Variants in FAT4 observed in about 807,000 individuals in gnomAD.
FAT4 encodes the protein protocadherin Fat 4.
A neutral mutation model predicts 303.9 loss-of-function variants in FAT4; 84 were observed. That is an observed-to-expected ratio of 0.28 (90% CI 0.23 to 0.33). FAT4 has a LOEUF of 0.33. FAT4 is among the 10% of genes least tolerant of loss of function. The probability of loss-of-function intolerance (pLI) is 1.00; values close to 1 mark genes in which losing one functional copy is unlikely to be tolerated. For missense variants in FAT4, 6,005 were observed against 6,146.8 expected (o/e 0.98, Z 0.77); for synonymous variants, 2,307 against 2,298.8 (o/e 1.00, Z -0.10).
intron 2 of FAT4, among the ~76,000 whole-genome samples, chr4:125,381,816 A>G (rs79145530): frequency 0.028 from 4,335 of 152,284 alleles, 88 homozygotes; most frequent in Non-Finnish European, 0.04. Context: ...ACTGGAGTCA[A>G]TCCTCTCAAA....
At chr4:125,440,020 C>A (rs978389110) in intron 8 of FAT4, among the ~76,000 whole-genome samples, 6 of 152,158 alleles carry the variant, frequency 3.9e-5, no homozygotes, top group African/African-American at 1.4e-4. Flanking sequence ...ATGTCTCTGG[C>A]ATAATTATTA....
rs1725377539 is a variant in FAT4 at position 125,434,341 on chromosome 4, C to T, written c.7115C>T (p.Thr2372Ile). The stretch of plus-strand genomic sequence containing the variant: ...TTTGCCAGTAAAGCGTATTTCACAA[C>T]AATTCCTGAGGATGCACCAACTGGA... ...PTFASKAYFT[T>I]IPEDAPTGTD... Residue 2372 changes from threonine to isoleucine, a missense_variant, in exon 8 of 18, where the codon ACA becomes ATA. Physicochemically the swap from Thr to Ile is moderately conservative, Grantham distance 89. Coordinates refer to ENST00000394329, the MANE Select transcript of FAT4 (RefSeq NM_001291303.3). 1.9e-6 allele frequency: 3 copies of T among 1,613,914 alleles called. No homozygotes were observed. Among genetic ancestry groups the T allele is most frequent in the Admixed American group, 1.7e-5 (1 of 60,000 alleles).
intron 2 of FAT4, among the ~76,000 whole-genome samples, chr4:125,350,084 A>T (rs11098807): frequency 0.3 from 44,951 of 151,530 alleles, 6,862 homozygotes; most frequent in Non-Finnish European, 0.34. Context: ...TCACATAATG[A>T]ATGAATAATT....
At chr4:125,390,284 T>C (rs368236498) in intron 2 of FAT4, among the ~76,000 whole-genome samples, 1 of 152,210 alleles carries the variant, frequency 6.6e-6, no homozygotes, top group African/African-American at 2.4e-5. Context: ...ATCACCCTGA[T>C]GCGGTCATAC....
At chr4:125,434,562 C>A in intron 8 of FAT4, 137 bp downstream of exon 8, 1 of 631,788 alleles carries the variant, frequency 1.6e-6, no homozygotes, top group Non-Finnish European at 2.6e-6. Context: ...TGCTGATAGC[C>A]AACAATTCAT....
chr4:125,456,683 T>A (rs889807156), intron 10 of FAT4, among the ~76,000 whole-genome samples: 10 of 152,190 alleles, frequency 6.6e-5, no homozygotes, highest in African/African-American at 2.2e-4. Context: ...CTCTGAAGGA[T>A]CATTCTGAGT....
At position 125,320,504 on chromosome 4, in the gene FAT4, A is replaced by T; in HGVS notation, c.4093A>T (p.Ile1365Phe). 1 of 1,614,116 alleles carries T rather than the reference A, an allele frequency of 6.2e-7. No homozygotes were observed. The highest frequency in any genetic ancestry group is 1.6e-4 in the Middle Eastern group (1 of 6,062). The change falls in exon 2 of 18, where the codon ATT becomes TTT. Residue 1365 changes from isoleucine (I) to phenylalanine (F), a missense_variant. Physicochemically the swap from Ile to Phe is conservative, Grantham distance 21. Transcript: ENST00000394329. Reference protein sequence around the residue: ...TGTNNHGTFSISPNTGSIFLA... With the variant: ...TGTNNHGTFSFSPNTGSIFLA... ...GACTAACAACCACGGAACTTTTAGC[A>T]TTAGCCCAAACACTGGGAGTATTTT...
At chr4:125,334,289 GC>G (rs1198274063) in intron 2 of FAT4, among the ~76,000 whole-genome samples, 2 of 152,062 alleles carry the variant, frequency 1.3e-5, no homozygotes, top group Non-Finnish European at 2.9e-5. Context: ...TCAAGATGAA[GC>G]CTTTGGACCC....
At chr4:125,438,529 C>T (rs1260726490) in intron 8 of FAT4, among the ~76,000 whole-genome samples, 1 of 151,920 alleles carries the variant, frequency 6.6e-6, no homozygotes, top group Non-Finnish European at 1.5e-5. Context: ...CATTGAAATC[C>T]AAAAACCCCA....
rs1730644475 is a variant in FAT4 at position 125,317,200 on chromosome 4, G to C, written c.789G>C (p.Ala263=). 6.3e-7 allele frequency: 1 copy of C among 1,592,286 alleles called. No homozygotes were observed. The highest frequency in any genetic ancestry group is 1.3e-5 in the African/African-American group (1 of 74,574). The change falls in exon 2 of 18, where the codon GCG becomes GCC. Residue 263 remains alanine, a synonymous_variant. Transcript: ENST00000394329. This position sits in a 1 kb window ranked among gnomAD's most constrained non-coding sequence, Gnocchi z 7.0. ...SHYQAGVPED[A]VVGSSVLQVA... is the part of the protein sequence containing the mutation. Reference sequence around the variant, plus strand: ...ACCAGGCGGGGGTGCCTGAGGACGCGGTTGTGGGTTCCAGCGTCCTCCAGG... The same window carrying C: ...ACCAGGCGGGGGTGCCTGAGGACGCCGTTGTGGGTTCCAGCGTCCTCCAGG...
chr4:125,336,761 C>A (rs777416970), intron 2 of FAT4, among the ~76,000 whole-genome samples: 1 of 151,754 alleles, frequency 6.6e-6, no homozygotes, highest in Non-Finnish European at 1.5e-5. Flanking sequence ...AAACAAGGTA[C>A]CACTCTTTTA....
chr4:125,407,180 G>A (rs771091806), intron 4 of FAT4, 39 bp downstream of exon 4: 20 of 1,561,694 alleles, frequency 1.3e-5, no homozygotes, highest in East Asian at 9.1e-5. Flanking sequence ...TGCAAGAATC[G>A]CTTTTGAACC....
chr4:125,453,905 T>C (rs1726187700), intron 10 of FAT4, among the ~76,000 whole-genome samples: 1 of 152,200 alleles, frequency 6.6e-6, no homozygotes, highest in Non-Finnish European at 1.5e-5. Flanking sequence ...CATAGATCTC[T>C]ACCTATTTCT....
chr4:125,484,398 A>G (rs1727337488), intron 16 of FAT4, among the ~76,000 whole-genome samples: 1 of 152,090 alleles, frequency 6.6e-6, no homozygotes, highest in African/African-American at 2.4e-5. Context: ...TCCATATTTG[A>G]TGTTCTGTAA....
At chr4:125,323,016 A>G (rs2125948103) in intron 2 of FAT4, among the ~76,000 whole-genome samples, 1 of 152,246 alleles carries the variant, frequency 6.6e-6, no homozygotes, top group East Asian at 1.9e-4. Flanking sequence ...TTTGATTTGA[A>G]GTTATCCATC....
At position 125,468,582 on chromosome 4, in the gene FAT4, C is replaced by T. The variant is rs756311931; in HGVS notation, c.11976C>T (p.Ser3992=). 1.2e-6 allele frequency: 2 copies of T among 1,613,986 alleles called. No homozygotes were observed. The highest frequency in any genetic ancestry group is 1.1e-5 in the South Asian group (1 of 91,076). The change falls in exon 12 of 18, where the codon AGC becomes AGT. Residue 3992 remains serine, a synonymous_variant. Coordinates refer to ENST00000394329, the MANE Select transcript of FAT4 (RefSeq NM_001291303.3). ...AGTTATCATACATGGAATTTCCAAG[C>T]TTGGACCCCAATAACAACTATATTT... ...FEELSYMEFP[S]LDPNNNYIYV...
At chr4:125,436,669 A>T (rs561522749) in intron 8 of FAT4, among the ~76,000 whole-genome samples, 106 of 152,280 alleles carry the variant, frequency 7.0e-4, no homozygotes, top group African/African-American at 2.5e-3. Flanking sequence ...GGTGAGGAAG[A>T]GCAAAATCAC....
chr4:125,394,995 C>A (rs1471125164), intron 2 of FAT4, among the ~76,000 whole-genome samples: 2 of 152,098 alleles, frequency 1.3e-5, no homozygotes, highest in Non-Finnish European at 2.9e-5. Flanking sequence ...CTAAAATATT[C>A]AATGAATAAA....
chr4:125,487,323 C>T lies in FAT4; in HGVS notation c.12823-22C>T, dbSNP rs775817848. 6 of 1,584,620 alleles carry T rather than the reference C, an allele frequency of 3.8e-6. No homozygotes were observed. In the South Asian group the frequency reaches 6.9e-5, roughly 18 times the overall value. On this transcript the variant is annotated intron_variant, in intron 16 of 17. Transcript: ENST00000394329. ...AAGCATACCATATTTTAATTGCATA[C>T]TATTTTTAATATGTTTTACAGATTA...
Sources: gnomAD v4.1 joint callset for allele counts (sites outside exome capture counted in the v4.1 genomes callset) on GRCh38, gnomAD v4.1.1 for gene constraint, Gnocchi (gnomAD v3.1) non-coding constraint, MANE v1.5 for transcripts, NCBI Gene and HGNC (gene_info 2026-07-23, HGNC 2026-07-21) for gene names.